TRPS1: variants seen among roughly 807,000 people sequenced by gnomAD.
The protein encoded by TRPS1 is transcriptional repressor GATA binding 1, also known as zinc finger transcription factor Trps1.
TRPS1 carries 6 observed loss-of-function variants against 101.2 expected under a neutral mutation model. That is an observed-to-expected ratio of 0.06 (90% CI 0.03 to 0.12). The LOEUF (loss-of-function observed/expected upper bound fraction) is 0.12, where lower values mean the gene tolerates loss of function less well. Ranked by LOEUF, TRPS1 falls within the 10% of genes least tolerant of loss-of-function variation. TRPS1 has a pLI of 1.00. For missense variants in TRPS1, 1,363 were observed against 1,567.0 expected, an observed-to-expected ratio of 0.87 and a Z score of 2.20; for synonymous variants, 578 against 589.8, an observed-to-expected ratio of 0.98 and a Z score of 0.29.
At chr8:115,577,627 A>G (rs1250675830) in intron 5 of TRPS1, among the ~76,000 whole-genome samples, 1 of 152,094 alleles carries the variant, frequency 6.6e-6, no homozygotes. Flanking sequence ...TTTGCAGAAA[A>G]TTCCCACGTA....
chr8:115,554,390 A>G (rs1397160454), intron 5 of TRPS1, among the ~76,000 whole-genome samples: 3 of 152,226 alleles, frequency 2.0e-5, no homozygotes, highest in African/African-American at 7.2e-5. Context: ...AAAGACACTT[A>G]AAAAGTAGAA....
chr8:115,566,186 T>C (rs1395927694), intron 5 of TRPS1, among the ~76,000 whole-genome samples: 1 of 152,194 alleles, frequency 6.6e-6, no homozygotes, highest in Non-Finnish European at 1.5e-5. Flanking sequence ...TCTTAGCAGG[T>C]GGTCAGAATG....
chr8:115,516,053 T>C (rs1013868694), intron 5 of TRPS1, among the ~76,000 whole-genome samples: 1 of 151,430 alleles, frequency 6.6e-6, no homozygotes, highest in Admixed American at 6.6e-5. Flanking sequence ...CTACCACATA[T>C]ACCACTAAAT....
At position 115,619,515 on chromosome 8, in the gene TRPS1, C is replaced by T. The variant is rs1255820366; in HGVS notation, c.583G>A (p.Val195Met). Reference sequence around the variant, plus strand: ...GGCACTTGTGGGTTTTTTGAGGCCACTGAAACTGGGCTCAAACCTTGACAA... The same window carrying T: ...GGCACTTGTGGGTTTTTTGAGGCCATTGAAACTGGGCTCAAACCTTGACAA... ...ANCQGLSPVS[V>M]ASKNPQVPSD... The change falls in exon 3 of 7, where the codon GTG (valine) becomes ATG (methionine). Residue 195 changes from valine (V) to methionine (M), a missense_variant. Around this residue, in one of 5 missense-constraint regions of TRPS1, gnomAD observed 1,020 missense variants for 1,073.0 expected, o/e 0.95. Coordinates refer to ENST00000395715, the MANE Select transcript of TRPS1 (RefSeq NM_014112.5). 5.6e-6 allele frequency: 9 copies of T among 1,614,064 alleles called. No homozygotes were observed. Among genetic ancestry groups the T allele is most frequent in the African/African-American group, 1.3e-5 (1 of 74,934 alleles).
intron 1 of TRPS1, among the ~76,000 whole-genome samples, chr8:115,663,279 C>T (rs1563678120): frequency 2.0e-5 from 3 of 151,454 alleles, no homozygotes; most frequent in Admixed American, 6.6e-5. Context: ...GCATTTTGGC[C>T]ACTAAAACCA....
chr8:115,629,261 G>GT (rs966122817), intron 1 of TRPS1, among the ~76,000 whole-genome samples: 8 of 151,390 alleles, frequency 5.3e-5, no homozygotes, highest in Non-Finnish European at 7.4e-5. Flanking sequence ...TTGTTTTTTT[G>GT]TTTTTTTTCC....
intron 5 of TRPS1, among the ~76,000 whole-genome samples, chr8:115,442,552 T>C (rs915646617): frequency 1.7e-5 from 2 of 117,052 alleles, no homozygotes; most frequent in African/African-American, 4.3e-5. Flanking sequence ...GTATGGTGCG[T>C]GTGTGTGTGT....
At chr8:115,566,360 C>G (rs914077270) in intron 5 of TRPS1, among the ~76,000 whole-genome samples, 1 of 152,118 alleles carries the variant, frequency 6.6e-6, no homozygotes, top group Non-Finnish European at 1.5e-5. Context: ...AGAATACACA[C>G]CTGTTGCTCA....
rs1812788520 is a variant in TRPS1, at chr8:115,411,500, T to C, written c.*2523A>G. ...GGATTGCCACGATGCATTCTGTTAT[T>C]CTTTTTACTAAGAAAATTAAATATT... On this transcript the variant is annotated 3_prime_UTR_variant, in exon 7 of 7. Transcript: ENST00000395715. 1.3e-5 allele frequency: 2 copies of C among 152,496 alleles called. No individual in the cohort carries two copies. The highest frequency in any genetic ancestry group is 4.8e-5 in the African/African-American group (2 of 41,444). The allele number at this position is 152,496 out of a possible 1,614,324, so 9.4% of individuals were successfully genotyped here.
At chr8:115,549,469 G>A (rs2130333418) in intron 5 of TRPS1, among the ~76,000 whole-genome samples, 1 of 152,094 alleles carries the variant, frequency 6.6e-6, no homozygotes, top group Admixed American at 6.5e-5. Flanking sequence ...TACATCAATT[G>A]GTAAGAATGT....
At chr8:115,548,548 G>C (rs914831325) in intron 5 of TRPS1, among the ~76,000 whole-genome samples, 3 of 152,026 alleles carry the variant, frequency 2.0e-5, no homozygotes, top group Non-Finnish European at 4.4e-5. Context: ...GCCTCCCAAA[G>C]TGCTGGAATT....
At chr8:115,616,899 AG>A (rs1362825569) in intron 3 of TRPS1, among the ~76,000 whole-genome samples, 2 of 152,224 alleles carry the variant, frequency 1.3e-5, no homozygotes, top group African/African-American at 4.8e-5. Context: ...TTGGTATAAA[AG>A]GAAATTTCAG....
At chr8:115,498,175 G>A (rs1342896889) in intron 5 of TRPS1, among the ~76,000 whole-genome samples, 1 of 151,902 alleles carries the variant, frequency 6.6e-6, no homozygotes, top group East Asian at 1.9e-4. Context: ...CCAGGAGTTT[G>A]AGACCAGCTG....
chr8:115,587,519 G>T lies in TRPS1; in HGVS notation c.2182C>A (p.His728Asn), dbSNP rs1008200067. 6.2e-7 allele frequency: 1 copy of T among 1,614,154 alleles called. No homozygotes were observed. The highest frequency in any genetic ancestry group is 1.1e-5 in the South Asian group (1 of 91,066). The change falls in exon 5 of 7, where the codon CAC becomes AAC. Residue 728 changes from histidine to asparagine, a missense_variant. Coordinates refer to ENST00000395715, the MANE Select transcript of TRPS1 (RefSeq NM_014112.5). The part of the protein sequence containing the change: ...QSLLEHFNTV[H>N]CQEQDITTAN... ...GTAGTGATGTCCTGTTCCTGGCAGT[G>T]AACAGTGTTGAAGTGCTCCAGTAGT...
At chr8:115,632,935 C>T (rs1462991024) in intron 1 of TRPS1, among the ~76,000 whole-genome samples, 1 of 152,128 alleles carries the variant, frequency 6.6e-6, no homozygotes, top group Non-Finnish European at 1.5e-5. Flanking sequence ...TGTAATAATT[C>T]ATTGAGCTAC....
intron 5 of TRPS1, among the ~76,000 whole-genome samples, chr8:115,575,005 G>A (rs897042371): frequency 3.3e-5 from 5 of 152,054 alleles, no homozygotes; most frequent in African/African-American, 1.2e-4. Context: ...CTGTTTTCCT[G>A]TTTCTCAGGA....
chr8:115,580,821 T>G (rs938153159), intron 5 of TRPS1, among the ~76,000 whole-genome samples: 1 of 152,028 alleles, frequency 6.6e-6, no homozygotes, highest in Non-Finnish European at 1.5e-5. Context: ...GGGCAGCCAC[T>G]ATGGAGAACA....
At position 115,620,011 on chromosome 8, in the gene TRPS1, G is replaced by A. The variant is rs757105545; in HGVS notation, c.87C>T (p.Gly29=). 20 of 1,613,884 alleles carry A rather than the reference G, an allele frequency of 1.2e-5. No individual in the cohort carries two copies. Among genetic ancestry groups the A allele is most frequent in the South Asian group, 3.3e-5 (3 of 91,086 alleles). The change falls in exon 3 of 7, where the codon GGC becomes GGT. Residue 29 remains glycine, a synonymous_variant. Transcript: ENST00000395715. ...NPPLRNVASE[G]EGQILEPIGT... ...CTATAGGCTCCAGGATCTGGCCCTC[G>A]CCTTCACTTGCAACGTTTCTCAGAG...
chr8:115,564,703 A>G (rs1817026475), intron 5 of TRPS1, among the ~76,000 whole-genome samples: 1 of 152,076 alleles, frequency 6.6e-6, no homozygotes, highest in Admixed American at 6.6e-5. Context: ...ACCCCCTCAC[A>G]ATATTGGTAC....
Sources: allele counts gnomAD v4.1 joint callset (sites outside exome capture counted in the v4.1 genomes callset), GRCh38; gene constraint gnomAD v4.1.1; regional missense constraint gnomAD v4.1.1; transcripts MANE v1.5; gene names NCBI Gene and HGNC (gene_info 2026-07-23, HGNC 2026-07-21).